Variants in NCKAP5 observed in about 807,000 individuals in gnomAD.
NCKAP5 encodes NCK associated protein 5, also known as nck-associated protein 5.
NCKAP5 carries 92 observed loss-of-function variants against 167.0 expected under a neutral mutation model. That is an observed-to-expected ratio of 0.55 (90% CI 0.47 to 0.66). NCKAP5 has a LOEUF of 0.66. NCKAP5 is among the 30% of genes least tolerant of loss of function. NCKAP5 has a pLI of 0.00. For missense variants in NCKAP5, 2,378 were observed against 2,315.0 expected (o/e 1.03, Z -0.56); for synonymous variants, 891 against 877.4 (o/e 1.02, Z -0.27).
At chr2:133,302,795 T>TA (rs527961924) in intron 4 of NCKAP5, among the ~76,000 whole-genome samples, 24 of 150,470 alleles carry the variant, frequency 1.6e-4, no homozygotes, top group East Asian at 1.2e-3. Context: ...AAAATAAAAA[T>TA]AAAAAAAATA....
chr2:132,780,445 C>A (rs1171632825), intron 15 of NCKAP5, among the ~76,000 whole-genome samples: 2 of 152,152 alleles, frequency 1.3e-5, no homozygotes, highest in Non-Finnish European at 1.5e-5. Context: ...CCACCGCACC[C>A]GGCCTTATTT....
chr2:132,960,783 C>T (rs1478504643), intron 8 of NCKAP5, among the ~76,000 whole-genome samples: 1 of 152,102 alleles, frequency 6.6e-6, no homozygotes, highest in Non-Finnish European at 1.5e-5. Flanking sequence ...TAGAAGTCAT[C>T]TCTGCATTTC....
At chr2:132,714,248 T>C (rs970989674) in intron 19 of NCKAP5, among the ~76,000 whole-genome samples, 7 of 152,232 alleles carry the variant, frequency 4.6e-5, no homozygotes, top group Non-Finnish European at 8.8e-5. Flanking sequence ...TTTACCTTTC[T>C]GGGGCTTTAG....
intron 19 of NCKAP5, among the ~76,000 whole-genome samples, chr2:132,693,616 C>T (rs940842126): frequency 1.4e-5 from 2 of 146,534 alleles, no homozygotes; most frequent in Non-Finnish European, 3.0e-5. Flanking sequence ...TACCCCACCC[C>T]GCCTTTTTTT....
chr2:133,344,951 T>G (rs1010633250), intron 3 of NCKAP5, among the ~76,000 whole-genome samples: 33 of 152,194 alleles, frequency 2.2e-4, no homozygotes, highest in Non-Finnish European at 3.7e-4. Context: ...TATGAAGATA[T>G]GAATTTGGAA....
At chr2:133,500,251 C>T (rs898892716) in intron 3 of NCKAP5, among the ~76,000 whole-genome samples, 11 of 152,076 alleles carry the variant, frequency 7.2e-5, no homozygotes, top group African/African-American at 1.4e-4. Flanking sequence ...ATGCATGCTC[C>T]GCTCTCTAAA....
chr2:133,211,114 C>G (rs137931990), intron 5 of NCKAP5, among the ~76,000 whole-genome samples: 1 of 151,964 alleles, frequency 6.6e-6, no homozygotes, highest in Non-Finnish European at 1.5e-5. Context: ...TTTACATTTG[C>G]TGATACCCCT....
intron 5 of NCKAP5, among the ~76,000 whole-genome samples, chr2:133,143,113 C>T (rs1479521009): frequency 2.0e-5 from 3 of 151,722 alleles, no homozygotes; most frequent in Non-Finnish European, 4.4e-5. Context: ...TTAACCAGGC[C>T]TTGAATGTTA....
chr2:133,011,364 T>C (rs778102075), intron 6 of NCKAP5, among the ~76,000 whole-genome samples: 31 of 152,376 alleles, frequency 2.0e-4, no homozygotes, highest in Middle Eastern at 3.4e-3. Context: ...CAGTTATCAC[T>C]GCCTCCCTCA....
intron 3 of NCKAP5, among the ~76,000 whole-genome samples, chr2:133,435,841 C>A (rs1381385190): frequency 6.6e-6 from 1 of 152,176 alleles, no homozygotes; most frequent in African/African-American, 2.4e-5. Flanking sequence ...CCTGCCACTT[C>A]CATGTCGGGG....
rs115113427 is a variant in NCKAP5, at chr2:133,480,316, G to T, written c.69+37142C>A. Among the ~76,000 whole-genome samples the T allele has an allele frequency of 4.5e-3, 685 of 152,222 alleles. 3 individuals carry two copies. The highest frequency in any genetic ancestry group is 9.4e-3 in the South Asian group (45 of 4,812). ...TGAGTGGATATGAGTACCTTACCAG[G>T]TAGTAATATAGTTCTGCTTTCTCCT... On this transcript the variant is annotated intron_variant, in intron 3 of 19. Transcript: ENST00000409261.
chr2:132,953,350 T>A (rs543381239), intron 8 of NCKAP5, among the ~76,000 whole-genome samples: 2 of 152,326 alleles, frequency 1.3e-5, no homozygotes, highest in Admixed American at 1.3e-4. Flanking sequence ...AAGTGCAACT[T>A]CTTTATCTCT....
chr2:133,312,745 T>C (rs968187992), intron 3 of NCKAP5, among the ~76,000 whole-genome samples: 2 of 152,206 alleles, frequency 1.3e-5, no homozygotes, highest in African/African-American at 4.8e-5. Context: ...TAAAACACTG[T>C]ATTTTGGGCT....
At chr2:133,422,155 A>T (rs1053829189) in intron 3 of NCKAP5, among the ~76,000 whole-genome samples, 5 of 152,206 alleles carry the variant, frequency 3.3e-5, no homozygotes, top group Non-Finnish European at 7.3e-5. Context: ...AGAATTCCCA[A>T]AGATGGCAAC....
At chr2:132,815,736 A>G (rs4953998) in intron 11 of NCKAP5, among the ~76,000 whole-genome samples, 92,807 of 152,122 alleles carry the variant, frequency 0.61, 29,241 homozygotes, top group East Asian at 0.8. Flanking sequence ...AGCCCAGTGC[A>G]TCATCAAGCT....
intron 6 of NCKAP5, among the ~76,000 whole-genome samples, chr2:133,000,716 T>C (rs932057499): frequency 1.3e-5 from 2 of 152,188 alleles, no homozygotes; most frequent in African/African-American, 2.4e-5. Context: ...AATTTTTAAA[T>C]TTTTTAATTT....
chr2:133,251,555 A>T (rs989277614), intron 4 of NCKAP5, among the ~76,000 whole-genome samples: 7 of 100,846 alleles, frequency 6.9e-5, no homozygotes, highest in Admixed American at 2.8e-4. Context: ...GCCAAAGTAT[A>T]AAAAAAGCAT....
chr2:133,052,642 C>T lies in NCKAP5; in HGVS notation c.342-58403G>A, dbSNP rs185361060. 4.4e-3 allele frequency among the ~76,000 whole-genome samples: 670 copies of T among 151,154 alleles called. 4 individuals are homozygous for T. The highest frequency in any genetic ancestry group is 6.2e-3 in the Non-Finnish European group (422 of 67,858). On this transcript the variant is annotated intron_variant, in intron 6 of 19. Coordinates refer to ENST00000409261, the MANE Select transcript of NCKAP5 (RefSeq NM_207363.3). Reference sequence around the variant, plus strand: ...CTCAGGCAGGAGAATCGCTTGAACCCGGGAGGCAGAGGTTGCAGTGAGATG... The same window carrying T: ...CTCAGGCAGGAGAATCGCTTGAACCTGGGAGGCAGAGGTTGCAGTGAGATG...
intron 1 of NCKAP5, among the ~76,000 whole-genome samples, chr2:133,559,319 TAAA>T (rs1687992466): frequency 6.6e-6 from 1 of 152,168 alleles, no homozygotes; most frequent in Non-Finnish European, 1.5e-5. Flanking sequence ...ACACATTTAA[TAAA>T]TACTGGGCAA....
Sources: allele counts gnomAD v4.1 joint callset (sites outside exome capture counted in the v4.1 genomes callset), GRCh38; gene constraint gnomAD v4.1.1; transcripts MANE v1.5; gene names NCBI Gene and HGNC (gene_info 2026-07-23, HGNC 2026-07-21).